Variants in ZNRF1 observed in about 807,000 individuals in gnomAD.
ZNRF1 encodes E3 ubiquitin-protein ligase ZNRF1.
Under a neutral mutation model 18.4 loss-of-function variants are expected in ZNRF1, and 3 were observed. That is an observed-to-expected ratio of 0.16 (90% CI 0.07 to 0.42). ZNRF1 has a LOEUF of 0.42. Ranked by LOEUF, ZNRF1 falls within the 10% of genes least tolerant of loss-of-function variation. ZNRF1 has a pLI of 0.99. For synonymous variants in ZNRF1, 157 were observed against 144.2 expected, an observed-to-expected ratio of 1.09 and a Z score of -0.64; for missense variants, 310 against 329.8, an observed-to-expected ratio of 0.94 and a Z score of 0.47.
intron 1 of ZNRF1, among the ~76,000 whole-genome samples, chr16:75,010,719 GT>G (rs71158572): frequency 2.4e-5 from 2 of 85,046 alleles, no homozygotes; most frequent in African/African-American, 3.6e-5. Context: ...TTGTTTTTTT[GT>G]TTTTTTTTTT....
At chr16:75,013,036 A>C (rs956345196) in intron 1 of ZNRF1, among the ~76,000 whole-genome samples, 1 of 152,244 alleles carries the variant, frequency 6.6e-6, no homozygotes, top group Non-Finnish European at 1.5e-5. Context: ...TCAGTTCTGT[A>C]GGATTAGAGA....
intron 1 of ZNRF1, among the ~76,000 whole-genome samples, chr16:75,049,913 A>G (rs2035570127): frequency 6.6e-6 from 1 of 151,152 alleles, no homozygotes; most frequent in African/African-American, 2.4e-5. Flanking sequence ...TATGTATCCA[A>G]CATCACAATC....
intron 1 of ZNRF1, among the ~76,000 whole-genome samples, chr16:75,055,653 A>G (rs1053429923): frequency 6.6e-6 from 1 of 152,162 alleles, no homozygotes; most frequent in Admixed American, 6.5e-5. Context: ...CCTTCCTACC[A>G]GCCTGTGGAG....
At chr16:75,095,211 C>G (rs879451741) in intron 2 of ZNRF1, 1 of 158,508 alleles carries the variant, frequency 6.3e-6, no homozygotes, top group Non-Finnish European at 1.4e-5. Flanking sequence ...TTAGGCCATG[C>G]TCAGGTGGGA....
At chr16:75,047,974 CA>C (rs2035537980) in intron 1 of ZNRF1, among the ~76,000 whole-genome samples, 1 of 149,002 alleles carries the variant, frequency 6.7e-6, no homozygotes, top group Non-Finnish European at 1.5e-5. Flanking sequence ...TTTTTTGAGA[CA>C]AGGTCTGGCT....
At chr16:75,082,706 A>T (rs927005106) in intron 1 of ZNRF1, among the ~76,000 whole-genome samples, 25 of 152,134 alleles carry the variant, frequency 1.6e-4, no homozygotes, top group Non-Finnish European at 3.4e-4. Flanking sequence ...GGCATGTGCA[A>T]CCATGCCTGG....
intron 1 of ZNRF1, among the ~76,000 whole-genome samples, chr16:75,043,393 T>C (rs1241287097): frequency 1.3e-5 from 2 of 152,208 alleles, no homozygotes; most frequent in African/African-American, 4.8e-5. Flanking sequence ...TTTTTTCTCT[T>C]TCTTGTAAAA....
chr16:75,106,360 TG>T lies in ZNRF1; in HGVS notation c.627-118del, dbSNP rs959163184. 3.2e-6 allele frequency: 3 copies of T among 929,200 alleles called. No individual in the cohort carries two copies. The African/African-American group carries it at 4.9e-5, about 15-fold the overall frequency. The allele number at this position is 929,200 out of a possible 1,614,324, so 57.6% of individuals were successfully genotyped here. A position where few individuals can be genotyped will look rare whatever the true frequency, so the allele number is the denominator to read the frequency against. On this transcript the variant is annotated intron_variant, in intron 3 of 4. Coordinates refer to ENST00000335325, the MANE Select transcript of ZNRF1 (RefSeq NM_032268.5). Reference sequence around the variant, plus strand: ...ATCTGGGGACATGACTGTGTTTCCCTGGGGTCCTTTCAGAAGAGACTTAGGA... The same window carrying T: ...ATCTGGGGACATGACTGTGTTTCCCTGGGTCCTTTCAGAAGAGACTTAGGA...
chr16:75,017,450 A>G (rs2035087066), intron 1 of ZNRF1, among the ~76,000 whole-genome samples: 1 of 152,236 alleles, frequency 6.6e-6, no homozygotes, highest in African/African-American at 2.4e-5. Context: ...AATATTACAT[A>G]TCCATCTCCC....
At chr16:75,107,445 A>C (rs2145434023) in intron 4 of ZNRF1, 1 of 252,616 alleles carries the variant, frequency 4.0e-6, no homozygotes. Flanking sequence ...ATTCCAAGTA[A>C]ACTCCCAGAA....
intron 1 of ZNRF1, among the ~76,000 whole-genome samples, chr16:75,036,018 G>T (rs2035371777): frequency 6.6e-6 from 1 of 151,720 alleles, no homozygotes; most frequent in Admixed American, 6.6e-5. Flanking sequence ...TATTATTTTA[G>T]GGGGACTGCT....
chr16:75,005,509 T>G (rs967192991), intron 1 of ZNRF1, among the ~76,000 whole-genome samples: 1 of 152,176 alleles, frequency 6.6e-6, no homozygotes, highest in Non-Finnish European at 1.5e-5. Context: ...ATGCTTTGTA[T>G]TTTACATATG....
At chr16:75,010,649 A>T (rs1446519905) in intron 1 of ZNRF1, among the ~76,000 whole-genome samples, 3 of 150,386 alleles carry the variant, frequency 2.0e-5, no homozygotes, top group Non-Finnish European at 4.4e-5. Context: ...AAAGTAATTA[A>T]TCCATACTTC....
intron 1 of ZNRF1, among the ~76,000 whole-genome samples, chr16:75,078,296 CTTTTTTTT>C (rs36075131): frequency 3.5e-5 from 4 of 113,128 alleles, no homozygotes; most frequent in African/African-American, 1.5e-4. Context: ...TCTTTCTTTC[CTTTTTTTT>C]TTTTTTTTTT....
At chr16:75,076,187 T>G (rs553563725) in intron 1 of ZNRF1, among the ~76,000 whole-genome samples, 6 of 152,340 alleles carry the variant, frequency 3.9e-5, no homozygotes, top group Admixed American at 2.6e-4. Flanking sequence ...TATTGACATA[T>G]CTATTATATG....
At chr16:75,079,514 G>A (rs1210443542) in intron 1 of ZNRF1, among the ~76,000 whole-genome samples, 1 of 151,952 alleles carries the variant, frequency 6.6e-6, no homozygotes, top group East Asian at 1.9e-4. Flanking sequence ...TTGACCCATC[G>A]GTCAGGCCCT....
chr16:75,045,711 T>G (rs894462044), intron 1 of ZNRF1, among the ~76,000 whole-genome samples: 1 of 151,084 alleles, frequency 6.6e-6, no homozygotes, highest in Non-Finnish European at 1.5e-5. Flanking sequence ...AATCTTCTTC[T>G]TCGTCTTTTT....
intron 1 of ZNRF1, among the ~76,000 whole-genome samples, chr16:75,057,870 A>G (rs890602640): frequency 6.6e-6 from 1 of 152,068 alleles, no homozygotes; most frequent in African/African-American, 2.4e-5. Flanking sequence ...TGAACTCTTG[A>G]CCTTAGGTGA....
chr16:75,095,707 C>T, intron 2 of ZNRF1: 1 of 1,548,646 alleles, frequency 6.5e-7, no homozygotes, highest in Non-Finnish European at 8.7e-7. Context: ...CCCCCATGGC[C>T]CAAATGCAGA....
Sources: gnomAD v4.1 joint callset for allele counts (sites outside exome capture counted in the v4.1 genomes callset) on GRCh38, gnomAD v4.1.1 for gene constraint, MANE v1.5 for transcripts, NCBI Gene and HGNC (gene_info 2026-07-23, HGNC 2026-07-21) for gene names.